Variants in SPEG observed in about 807,000 individuals in gnomAD.
SPEG encodes striated muscle enriched protein kinase, also known as striated muscle preferentially expressed protein kinase.
SPEG carries 114 observed loss-of-function variants against 300.4 expected under a neutral mutation model. That is an observed-to-expected ratio of 0.38 (90% CI 0.33 to 0.44). The LOEUF is 0.44. Among genes scored for constraint, SPEG ranks in the 20% least tolerant of loss-of-function variants. The probability of loss-of-function intolerance (pLI) is 1.00; values close to 1 mark genes in which losing one functional copy is unlikely to be tolerated. For synonymous variants in SPEG, 1,964 were observed against 2,018.9 expected (o/e 0.97, Z 0.73); for missense variants, 4,201 against 4,586.2 (o/e 0.92, Z 2.43).
chr2:219,453,353 G>A (rs1033140672), intron 6 of SPEG, among the ~76,000 whole-genome samples: 2 of 152,366 alleles, frequency 1.3e-5, no homozygotes, highest in African/African-American at 2.4e-5. Context: ...TAATGACACC[G>A]TCCTCACGGA....
chr2:219,464,293 G>A lies in SPEG; in HGVS notation c.2706-140G>A. On this transcript the variant is annotated intron_variant, in intron 8 of 40. Coordinates refer to ENST00000312358, the MANE Select transcript of SPEG (RefSeq NM_005876.5). This position sits in a 1 kb window ranked among gnomAD's most constrained non-coding sequence, Gnocchi z 4.5. Reference sequence around the variant, plus strand: ...AAACCTAGCCCTGGAAACCAGGGATGCCCACGGTCAGTGGGACAGATCTGG... The same window carrying A: ...AAACCTAGCCCTGGAAACCAGGGATACCCACGGTCAGTGGGACAGATCTGG... 1 of 911,344 alleles carries A rather than the reference G, an allele frequency of 1.1e-6. No individual in the cohort carries two copies. The highest frequency in any genetic ancestry group is 1.6e-6 in the Non-Finnish European group (1 of 608,396). 56.5% of individuals were successfully genotyped at this position (911,344 alleles called of 1,614,324 possible).
chr2:219,472,948 G>A lies in SPEG; in HGVS notation c.3999G>A (p.Thr1333=), dbSNP rs55684906. Residue 1333 remains threonine (T), a synonymous_variant, in exon 16 of 41, where the codon ACG becomes ACA. Transcript: ENST00000312358. ...AGGTGCTGGGCTCGGACCAGTGGAC[G>A]GCACTGGTCACAGGCCTGCGGGAGC... The part of the protein sequence containing the change: ...QHQVLGSDQW[T]ALVTGLREPG... 612 of 1,613,628 alleles carry A rather than the reference G, an allele frequency of 3.8e-4. 1 individual carries two copies. The highest frequency in any genetic ancestry group is 4.8e-4 in the Non-Finnish European group (565 of 1,179,952).
chr2:219,482,039 T>G, intron 28 of SPEG: 1 of 362,616 alleles, frequency 2.8e-6, no homozygotes, highest in Middle Eastern at 8.3e-4. Flanking sequence ...TCCCACACAA[T>G]AGCGTTGGGG....
chr2:219,476,858 C>T lies in SPEG; in HGVS notation c.4448-12C>T, dbSNP rs1188628732. The T allele has an allele frequency of 1.2e-6, 2 of 1,607,496 alleles. No individual in the cohort carries two copies. The highest frequency in any genetic ancestry group is 1.7e-5 in the Admixed American group (1 of 59,966). The stretch of plus-strand genomic sequence containing the variant: ...CCCCTTCTCTTCCCACCCCTATCCC[C>T]ATGTGTTTCAGAGGCCCCTCGGTTT... On this transcript the variant is annotated splice_polypyrimidine_tract_variant and intron_variant, in intron 18 of 40. Coordinates refer to ENST00000312358, the MANE Select transcript of SPEG (RefSeq NM_005876.5).
In SPEG at chr2:219,488,290, C is replaced by T. The variant is rs775151300; in HGVS notation, c.7838C>T (p.Pro2613Leu). The T allele has an allele frequency of 3.7e-6, 6 of 1,611,666 alleles. No individual in the cohort carries two copies. The highest frequency in any genetic ancestry group is 2.2e-5 in the East Asian group (1 of 44,838). Residue 2613 changes from proline (P) to leucine (L), a missense_variant, in exon 32 of 41, where the codon CCG (proline) becomes CTG (leucine). Physicochemically the swap from Pro to Leu is moderately conservative, Grantham distance 98. Transcript: ENST00000312358. ...TGCCTGCCAGCGGCCTGCCCTGCAC[C>T]GCACATCTCCTGGATGAAAGGTAAG... ...LLCLPAACPA[P>L]HISWMKDKKS... is the part of the protein sequence containing the mutation.
In SPEG at chr2:219,481,240, GC is replaced by G. The variant is rs1692810594; in HGVS notation, c.5370-59del. ...AGCCTCCATCTGTCCCCAGCCCTGT[GC>G]CCCCACTGACATTCCCCTTTGTCCC... On this transcript the variant is annotated intron_variant, in intron 26 of 40. Coordinates refer to ENST00000312358, the MANE Select transcript of SPEG (RefSeq NM_005876.5). This position sits in a 1 kb window ranked among gnomAD's most constrained non-coding sequence, Gnocchi z 5.4. The G allele has an allele frequency of 1.9e-6, 3 of 1,544,004 alleles. No homozygotes were observed. Among genetic ancestry groups the G allele is most frequent in the Admixed American group, 3.4e-5 (2 of 58,516 alleles).
chr2:219,481,397 C>G lies in SPEG; in HGVS notation c.5463C>G (p.Phe1821Leu). ...ACGTGGCCTTCGAGGAGACCACATTCCTGAGCCTGAGCAGGGAGGCCCGGG... is the reference window on the plus strand; with the variant it reads ...ACGTGGCCTTCGAGGAGACCACATTGCTGAGCCTGAGCAGGGAGGCCCGGG... ...NYNVAFEETT[F>L]LSLSREARGF... The change falls in exon 27 of 41, where the codon TTC becomes TTG. Residue 1821 changes from phenylalanine (F) to leucine (L), a missense_variant. Phe to Leu is a conservative substitution (Grantham distance 22). Transcript: ENST00000312358. The surrounding 1 kb of genome is among the most constrained non-coding windows in gnomAD (Gnocchi z 5.4). 3 of 1,614,186 alleles carry G rather than the reference C, an allele frequency of 1.9e-6. No individual in the cohort carries two copies. The highest frequency in any genetic ancestry group is 2.5e-6 in the Non-Finnish European group (3 of 1,180,022).
rs1327719775 is a variant in SPEG at position 219,445,876 on chromosome 2, C to G, written c.815+715C>G. Among the ~76,000 whole-genome samples the G allele has an allele frequency of 1.3e-5, 2 of 151,934 alleles. No individual in the cohort carries two copies. Among genetic ancestry groups the G allele is most frequent in the African/African-American group, 4.8e-5 (2 of 41,340 alleles). On this transcript the variant is annotated intron_variant, in intron 3 of 40. Coordinates refer to ENST00000312358, the MANE Select transcript of SPEG (RefSeq NM_005876.5). The surrounding 1 kb of genome is among the most constrained non-coding windows in gnomAD (Gnocchi z 6.1). ...CCCCTAAGTCCCTGAGGGTGGGATT[C>G]AAGGTTGTCCCAGGAGGGGGTGTGA... is the stretch of plus-strand genomic sequence containing the variant.
chr2:219,446,912 G>A (rs1412150784), intron 3 of SPEG, among the ~76,000 whole-genome samples: 2 of 151,272 alleles, frequency 1.3e-5, no homozygotes, highest in Non-Finnish European at 2.9e-5. Flanking sequence ...TATTCAATGA[G>A]CCATTTTACA....
Position 219,448,232 on chromosome 2 carries a change from C to T in SPEG, c.1074C>T (p.Ser358=). Reference sequence around the variant, plus strand: ...CCGAAGAGAAGCGAGGGAAGAAGTCCAAGTCGTCCGGGCCCTCCCTGGCGG... The same window carrying T: ...CCGAAGAGAAGCGAGGGAAGAAGTCTAAGTCGTCCGGGCCCTCCCTGGCGG... ...TTTEEKRGKK[S]KSSGPSLAGT... The change falls in exon 4 of 41, where the codon TCC becomes TCT. Residue 358 remains serine, a synonymous_variant. Transcript: ENST00000312358. 1 of 1,612,532 alleles carries T rather than the reference C, an allele frequency of 6.2e-7. No individual in the cohort carries two copies. Among genetic ancestry groups the T allele is most frequent in the Non-Finnish European group, 8.5e-7 (1 of 1,179,642 alleles).
rs1690386736 is a variant in SPEG at position 219,458,652 on chromosome 2, G to A, written c.2441-3230G>A. On this transcript the variant is annotated intron_variant, in intron 6 of 40. Coordinates refer to ENST00000312358, the MANE Select transcript of SPEG (RefSeq NM_005876.5). The surrounding 1 kb of genome is among the most constrained non-coding windows in gnomAD (Gnocchi z 4.2). ...TGTAGCCAAACCTCCTAGGTTCAAA[G>A]CTCTGCTCTGAGGTTGAATGGCCCA... Among the ~76,000 whole-genome samples, 1 of 152,174 alleles carries A rather than the reference G, an allele frequency of 6.6e-6. No homozygotes were observed. The highest frequency in any genetic ancestry group is 2.1e-4 in the South Asian group (1 of 4,832).
At chr2:219,470,493 A>G (rs1691777410) in intron 13 of SPEG, among the ~76,000 whole-genome samples, 3 of 152,166 alleles carry the variant, frequency 2.0e-5, no homozygotes, top group Admixed American at 2.0e-4. Flanking sequence ...CTCAGGATCT[A>G]AGCTGGCGTC....
rs1038108000 is a variant in SPEG, at chr2:219,493,080, G to T, written c.*294G>T. 9.9e-5 allele frequency: 64 copies of T among 649,594 alleles called. No homozygotes were observed. Among genetic ancestry groups the T allele is most frequent in the African/African-American group, 9.4e-4 (53 of 56,218 alleles). The allele number at this position is 649,594 out of a possible 1,614,324, so 40.2% of individuals were successfully genotyped here. A position where few individuals can be genotyped will look rare whatever the true frequency, so the allele number is the denominator to read the frequency against. On this transcript the variant is annotated 3_prime_UTR_variant, in exon 41 of 41. Transcript: ENST00000312358. The stretch of plus-strand genomic sequence containing the variant: ...AAGTGGAGAGGAAAAGGAATCGAGG[G>T]ACAGGAAGGGGGAGGCTCTAGGAAG...
Position 219,488,200 on chromosome 2 carries a change from C to T in SPEG, c.7748C>T (p.Pro2583Leu), listed in dbSNP as rs778887353. ...GTCTCTGCTTTTCCTCCAGACTTCC[C>T]CCCAGTCTTCCACATCAAACTCAAG... ...HQYVRSESDFPPVFHIKLKDQ... is the reference protein window; with the variant it reads ...HQYVRSESDFLPVFHIKLKDQ... The change falls in exon 32 of 41, where the codon CCC becomes CTC. Residue 2583 changes from proline to leucine, a missense_variant. Pro to Leu is a moderately conservative substitution (Grantham distance 98). Transcript: ENST00000312358. 1.2e-6 allele frequency: 2 copies of T among 1,611,822 alleles called. No homozygotes were observed. Among genetic ancestry groups the T allele is most frequent in the East Asian group, 2.2e-5 (1 of 44,850 alleles).
chr2:219,452,063 T>A (rs1229680476), intron 6 of SPEG, among the ~76,000 whole-genome samples: 1 of 152,222 alleles, frequency 6.6e-6, no homozygotes, highest in Non-Finnish European at 1.5e-5. Flanking sequence ...AAATTTGTGT[T>A]TAGCCATCCT....
intron 6 of SPEG, among the ~76,000 whole-genome samples, chr2:219,457,686 A>G (rs1690299816): frequency 6.6e-6 from 1 of 152,202 alleles, no homozygotes; most frequent in African/African-American, 2.4e-5. Flanking sequence ...CTGCACCCAT[A>G]GGGCAAAAGG....
At chr2:219,492,060 G>T (rs761739587) in intron 39 of SPEG, 51 bp from the exon 40 acceptor site, 2 of 1,571,748 alleles carry the variant, frequency 1.3e-6, no homozygotes, top group East Asian at 4.5e-5. Context: ...TTCTGGGTCT[G>T]GGTGTTGGCC....
Position 219,479,187 on chromosome 2 carries a change from G to A in SPEG, c.5071G>A (p.Val1691Met), listed in dbSNP as rs749783688. Reference sequence around the variant, plus strand: ...GGAGCGAATCGCCAGGAAACCCACCGTGTGTGAGTCTGAGGTGAGGGCAGT... The same window carrying A: ...GGAGCGAATCGCCAGGAAACCCACCATGTGTGAGTCTGAGGTGAGGGCAGT... ...LLERIARKPTVCESEIRAYMR... is the reference protein window; with the variant it reads ...LLERIARKPTMCESEIRAYMR... Residue 1691 changes from valine to methionine, a missense_variant, in exon 23 of 41, where the codon GTG becomes ATG. Coordinates refer to ENST00000312358, the MANE Select transcript of SPEG (RefSeq NM_005876.5). This position sits in a 1 kb window ranked among gnomAD's most constrained non-coding sequence, Gnocchi z 5.5. The A allele has an allele frequency of 3.1e-6, 5 of 1,613,568 alleles. No individual in the cohort carries two copies. Among genetic ancestry groups the A allele is most frequent in the Non-Finnish European group, 4.2e-6 (5 of 1,179,906 alleles).
At chr2:219,483,010 G>A (rs912989014) in intron 29 of SPEG, 88 bp from the exon 30 acceptor site, 2 of 1,468,622 alleles carry the variant, frequency 1.4e-6, no homozygotes, top group Non-Finnish European at 1.9e-6. Context: ...TGCATGCTCA[G>A]GCCTCTTCCC....
Sources: gnomAD v4.1 joint callset for allele counts (sites outside exome capture counted in the v4.1 genomes callset) on GRCh38, gnomAD v4.1.1 for gene constraint, Gnocchi (gnomAD v3.1) non-coding constraint, MANE v1.5 for transcripts, NCBI Gene and HGNC (gene_info 2026-07-23, HGNC 2026-07-21) for gene names.